The following FBXL17 variants were observed in gnomAD, a reference collection of about 807,000 sequenced individuals.
FBXL17 encodes F-box/LRR-repeat protein 17.
A neutral mutation model predicts 66.2 loss-of-function variants in FBXL17; 22 were observed. The observed-to-expected ratio is 0.33, with a 90% CI of 0.24 to 0.47. The LOEUF (loss-of-function observed/expected upper bound fraction) is 0.47. Among genes scored for constraint, FBXL17 ranks in the 20% least tolerant of loss-of-function variants. The pLI, the probability that FBXL17 is intolerant of heterozygous loss-of-function variation, is 1.00. For missense variants in FBXL17, 878 were observed against 948.2 expected, an observed-to-expected ratio of 0.93 and a Z score of 0.97; for synonymous variants, 474 against 400.5, an observed-to-expected ratio of 1.18 and a Z score of -2.19.
intron 8 of FBXL17, chr5:107,879,233 C>T (rs771562472): frequency 1.0e-6 from 1 of 985,422 alleles, no homozygotes; most frequent in Non-Finnish European, 1.2e-6. Flanking sequence ...GCTGCGGACA[C>T]ATATGTATGA....
chr5:108,075,161 T>A (rs1294491565), intron 6 of FBXL17, among the ~76,000 whole-genome samples: 2 of 152,164 alleles, frequency 1.3e-5, no homozygotes, highest in African/African-American at 4.8e-5. Flanking sequence ...TTGGCTCTGT[T>A]TCTTTATGGA....
chr5:107,878,295 T>G (rs1312562233), intron 8 of FBXL17: 2 of 945,122 alleles, frequency 2.1e-6, no homozygotes, highest in Non-Finnish European at 2.5e-6. Flanking sequence ...ATAATTTTTT[T>G]TTCTCATTGG....
chr5:107,865,400 T>A (rs1409464343), intron 8 of FBXL17, among the ~76,000 whole-genome samples: 2 of 120,324 alleles, frequency 1.7e-5, no homozygotes, highest in African/African-American at 8.0e-5. Flanking sequence ...AATAATTTCA[T>A]GGTAGGGTTA....
intron 5 of FBXL17, among the ~76,000 whole-genome samples, chr5:108,213,560 C>T (rs145245385): frequency 5.3e-5 from 8 of 152,278 alleles, no homozygotes; most frequent in East Asian, 1.9e-4. Flanking sequence ...CAATCCCTTG[C>T]GCTTCCTGGG....
At chr5:107,923,745 T>G (rs1261149806) in intron 7 of FBXL17, among the ~76,000 whole-genome samples, 1 of 152,198 alleles carries the variant, frequency 6.6e-6, no homozygotes, top group Non-Finnish European at 1.5e-5. Flanking sequence ...ACAGGATTCT[T>G]AACACCCACT....
chr5:107,951,027 TA>T lies in FBXL17; in HGVS notation c.1823-69849del, dbSNP rs971487997. ...CGATGGCCTGCCACTAATGTCCTAA[TA>T]AATGGCAGGCACACACTAGAAAGGC... On this transcript the variant is annotated intron_variant, in intron 7 of 8. Coordinates refer to ENST00000542267, the MANE Select transcript of FBXL17 (RefSeq NM_001163315.3). Among the ~76,000 whole-genome samples the T allele has an allele frequency of 7.2e-5, 11 of 152,304 alleles. 1 individual carries two copies. The highest frequency in any genetic ancestry group is 2.6e-4 in the African/African-American group (11 of 41,568).
At position 108,233,839 on chromosome 5, in the gene FBXL17, A is replaced by G. The variant is rs76462264; in HGVS notation, c.1507-9611T>C. ...CAGTTTAGAAATCTTAAGCTGCTAA[A>G]CCTAAGGCAAATGAAAACCAGATAC... On this transcript the variant is annotated intron_variant, in intron 4 of 8. Transcript: ENST00000542267. Among the ~76,000 whole-genome samples, 551 of 152,296 alleles carry G rather than the reference A, an allele frequency of 3.6e-3. 5 individuals carry two copies. The highest frequency in any genetic ancestry group is 0.013 in the African/African-American group (531 of 41,560).
intron 4 of FBXL17, among the ~76,000 whole-genome samples, chr5:108,225,563 C>A (rs535290069): frequency 2.0e-5 from 3 of 152,180 alleles, no homozygotes; most frequent in African/African-American, 7.2e-5. Context: ...AAAAAGAGTG[C>A]CAGAAGTTAG....
intron 7 of FBXL17, among the ~76,000 whole-genome samples, chr5:107,889,895 G>C (rs1319473102): frequency 6.6e-6 from 1 of 152,084 alleles, no homozygotes; most frequent in Non-Finnish European, 1.5e-5. Context: ...CAAAAACAAG[G>C]GGCATATTTA....
chr5:107,894,618 C>T (rs1349146365), intron 7 of FBXL17, among the ~76,000 whole-genome samples: 1 of 152,044 alleles, frequency 6.6e-6, no homozygotes, highest in Non-Finnish European at 1.5e-5. Context: ...CCTGCAATGA[C>T]TTAAGAAGAA....
chr5:107,980,302 T>A (rs996849502), intron 7 of FBXL17, among the ~76,000 whole-genome samples: 3 of 152,054 alleles, frequency 2.0e-5, no homozygotes, highest in African/African-American at 7.2e-5. Flanking sequence ...GGGGATAAAA[T>A]AATCATCTTT....
At chr5:108,206,628 C>CTT (rs144060806) in intron 5 of FBXL17, among the ~76,000 whole-genome samples, 3 of 151,892 alleles carry the variant, frequency 2.0e-5, no homozygotes, top group African/African-American at 7.3e-5. Flanking sequence ...AAACAGAACT[C>CTT]TTTTTTTTAT....
chr5:108,305,310 T>TG (rs1758785506), intron 4 of FBXL17, among the ~76,000 whole-genome samples: 1 of 151,830 alleles, frequency 6.6e-6, no homozygotes, highest in African/African-American at 2.4e-5. Flanking sequence ...CAACACACAC[T>TG]GGGGCCCACT....
At chr5:107,940,089 C>G (rs1751042149) in intron 7 of FBXL17, among the ~76,000 whole-genome samples, 1 of 152,118 alleles carries the variant, frequency 6.6e-6, no homozygotes, top group African/African-American at 2.4e-5. Context: ...AGTATTATTT[C>G]TACTTAATAG....
At chr5:107,897,490 C>G (rs950038969) in intron 7 of FBXL17, among the ~76,000 whole-genome samples, 3 of 152,056 alleles carry the variant, frequency 2.0e-5, no homozygotes, top group Non-Finnish European at 4.4e-5. Context: ...TGCTTTGTCC[C>G]TGAAGTCGAG....
At chr5:108,286,551 A>C (rs1580747229) in intron 4 of FBXL17, among the ~76,000 whole-genome samples, 2 of 152,172 alleles carry the variant, frequency 1.3e-5, no homozygotes, top group African/African-American at 4.8e-5. Context: ...GTAGCCACAA[A>C]AAAGAATAAA....
chr5:107,927,615 C>T (rs1002844419), intron 7 of FBXL17, among the ~76,000 whole-genome samples: 1 of 152,008 alleles, frequency 6.6e-6, no homozygotes, highest in Non-Finnish European at 1.5e-5. Flanking sequence ...AGCAAATAAA[C>T]TTGATATAAA....
At chr5:108,250,760 T>C (rs1252426886) in intron 4 of FBXL17, among the ~76,000 whole-genome samples, 2 of 152,126 alleles carry the variant, frequency 1.3e-5, no homozygotes, top group Non-Finnish European at 2.9e-5. Context: ...TTGTACTTGC[T>C]TATAAATTGT....
At position 107,893,809 on chromosome 5, in the gene FBXL17, A is replaced by T. The variant is rs540579618; in HGVS notation, c.1823-12630T>A. Among the ~76,000 whole-genome samples the T allele has an allele frequency of 5.9e-5, 9 of 152,282 alleles. No homozygotes were observed. In the South Asian group the frequency reaches 1.9e-3, roughly 32 times the overall value. The stretch of plus-strand genomic sequence containing the variant: ...CACCATTGATTGCGACATAAACCAT[A>T]TAACAGTATGCAGTTTGGAAAAAGC... On this transcript the variant is annotated intron_variant, in intron 7 of 8. Transcript: ENST00000542267.
Sources: gnomAD v4.1 joint callset for allele counts (sites outside exome capture counted in the v4.1 genomes callset) on GRCh38, gnomAD v4.1.1 for gene constraint, MANE v1.5 for transcripts, NCBI Gene and HGNC (gene_info 2026-07-23, HGNC 2026-07-21) for gene names.